VPS41: variants seen among roughly 807,000 people sequenced by gnomAD.
The protein encoded by VPS41 is vacuolar protein sorting-associated protein 41 homolog.
Under a neutral mutation model 130.9 loss-of-function variants are expected in VPS41, and 85 were observed. That is an observed-to-expected ratio of 0.65 (90% CI 0.55 to 0.78). VPS41 has a LOEUF of 0.78. Among genes scored for constraint, VPS41 ranks in the 30% least tolerant of loss-of-function variants. VPS41 has a pLI of 0.00. For synonymous variants in VPS41, 335 were observed against 332.9 expected (o/e 1.01, Z -0.07); for missense variants, 874 against 1,018.7 (o/e 0.86, Z 1.93).
At chr7:38,878,366 A>G (rs773204730) in intron 2 of VPS41, among the ~76,000 whole-genome samples, 1 of 152,200 alleles carries the variant, frequency 6.6e-6, no homozygotes, top group Admixed American at 6.5e-5. Context: ...GGCAAGTTCT[A>G]TTAAAAACCT....
intron 2 of VPS41, among the ~76,000 whole-genome samples, chr7:38,893,749 T>C (rs1031885235): frequency 2.9e-4 from 44 of 152,240 alleles, no homozygotes; most frequent in Admixed American, 2.2e-3. Flanking sequence ...TTTGCATTTC[T>C]ACTTTAACTG....
intron 24 of VPS41, among the ~76,000 whole-genome samples, chr7:38,742,601 TATG>T (rs1795902482): frequency 6.6e-6 from 1 of 152,160 alleles, no homozygotes; most frequent in African/African-American, 2.4e-5. Context: ...GCCTCAAGTT[TATG>T]ATATGTTCTG....
At chr7:38,876,655 A>C (rs1179385990) in intron 2 of VPS41, among the ~76,000 whole-genome samples, 3 of 151,330 alleles carry the variant, frequency 2.0e-5, no homozygotes, top group Non-Finnish European at 3.0e-5. Flanking sequence ...TAAGATTTTT[A>C]TCTCTCAAAG....
intron 3 of VPS41, among the ~76,000 whole-genome samples, chr7:38,866,641 G>C (rs757791203): frequency 1.3e-5 from 2 of 152,202 alleles, no homozygotes; most frequent in African/African-American, 4.8e-5. Context: ...AGGCAACTAA[G>C]TAAATATGCA....
intron 10 of VPS41, among the ~76,000 whole-genome samples, chr7:38,786,691 A>G (rs1784444549): frequency 6.6e-6 from 1 of 152,248 alleles, no homozygotes; most frequent in Non-Finnish European, 1.5e-5. Context: ...ACAGAAATTT[A>G]TACTGAACTA....
chr7:38,899,068 T>C (rs1368331166), intron 1 of VPS41, among the ~76,000 whole-genome samples: 1 of 152,234 alleles, frequency 6.6e-6, no homozygotes, highest in Admixed American at 6.5e-5. Flanking sequence ...GACAGCGGGA[T>C]AAATGTAAAT....
At chr7:38,904,830 A>G (rs1787223582) in intron 1 of VPS41, among the ~76,000 whole-genome samples, 1 of 152,334 alleles carries the variant, frequency 6.6e-6, no homozygotes, top group Non-Finnish European at 1.5e-5. Flanking sequence ...GCAGAAGGAG[A>G]ATTCAAAGTA....
chr7:38,765,258 G>T (rs1156230826), intron 16 of VPS41, among the ~76,000 whole-genome samples: 2 of 151,990 alleles, frequency 1.3e-5, no homozygotes, highest in Non-Finnish European at 2.9e-5. Context: ...TCTAAAAAAA[G>T]TCTTATGCTT....
chr7:38,743,449 T>C lies in VPS41; in HGVS notation c.2075A>G (p.Asp692Gly). Residue 692 changes from aspartate (D) to glycine (G), a missense_variant, in exon 24 of 29, where the codon GAT becomes GGT. Transcript: ENST00000310301. ...KAIEFAKEQD[D>G]GELWEDLILY... Reference sequence around the variant, plus strand: ...AATCAAATCTTCCCACAGCTCTCCATCATCTTGCTCCTTGGCAAATTCGAT... The same window carrying C: ...AATCAAATCTTCCCACAGCTCTCCACCATCTTGCTCCTTGGCAAATTCGAT... 1 of 1,614,030 alleles carries C rather than the reference T, an allele frequency of 6.2e-7. No homozygotes were observed. The highest frequency in any genetic ancestry group is 8.5e-7 in the Non-Finnish European group (1 of 1,179,898).
chr7:38,826,030 G>A (rs1467062158), intron 5 of VPS41, among the ~76,000 whole-genome samples: 1 of 152,184 alleles, frequency 6.6e-6, no homozygotes. Flanking sequence ...CATGTGAACT[G>A]TCATTATACC....
At chr7:38,890,712 G>A (rs961560640) in intron 2 of VPS41, among the ~76,000 whole-genome samples, 1 of 151,750 alleles carries the variant, frequency 6.6e-6, no homozygotes, top group African/African-American at 2.4e-5. Flanking sequence ...TAGAGATAGG[G>A]TCTTGCTCTG....
chr7:38,839,087 T>C (rs1048047833), intron 4 of VPS41, among the ~76,000 whole-genome samples: 1 of 152,232 alleles, frequency 6.6e-6, no homozygotes, highest in Non-Finnish European at 1.5e-5. Flanking sequence ...TCATTTTTGT[T>C]CTCTCAGAGA....
At chr7:38,882,676 C>T (rs904929509) in intron 2 of VPS41, among the ~76,000 whole-genome samples, 1 of 152,210 alleles carries the variant, frequency 6.6e-6, no homozygotes, top group Non-Finnish European at 1.5e-5. Flanking sequence ...TCCTCCCCTA[C>T]CTTAGTTACA....
intron 10 of VPS41, among the ~76,000 whole-genome samples, chr7:38,784,440 G>C (rs572810902): frequency 6.6e-6 from 1 of 152,140 alleles, no homozygotes; most frequent in South Asian, 2.1e-4. Flanking sequence ...TTTGATACCA[G>C]CATGGGCAAC....
intron 18 of VPS41, among the ~76,000 whole-genome samples, chr7:38,757,470 C>G (rs1783821520): frequency 2.0e-5 from 3 of 152,162 alleles, no homozygotes; most frequent in Non-Finnish European, 1.5e-5. Context: ...TAAGTCAGCT[C>G]TTGAGAGCTC....
chr7:38,784,289 T>A (rs1784400082), intron 10 of VPS41, among the ~76,000 whole-genome samples: 1 of 152,122 alleles, frequency 6.6e-6, no homozygotes, highest in Non-Finnish European at 1.5e-5. Flanking sequence ...AAGTGGAAGA[T>A]AAGAGAAGTA....
intron 4 of VPS41, among the ~76,000 whole-genome samples, chr7:38,836,179 G>C (rs940000919): frequency 1.3e-5 from 2 of 151,366 alleles, no homozygotes; most frequent in South Asian, 4.2e-4. Context: ...TTTATTATTT[G>C]CTATATTACT....
chr7:38,743,292 A>G, intron 24 of VPS41, 110 bp downstream of exon 24: 1 of 1,220,466 alleles, frequency 8.2e-7, no homozygotes, highest in Non-Finnish European at 1.2e-6. Flanking sequence ...TATTGTAGGT[A>G]CGCTACCATT....
intron 17 of VPS41, among the ~76,000 whole-genome samples, chr7:38,759,921 A>G (rs1783878202): frequency 6.6e-6 from 1 of 152,172 alleles, no homozygotes; most frequent in Admixed American, 6.5e-5. Flanking sequence ...GAAACTGTCC[A>G]GCATTCTATA....
Sources: allele counts gnomAD v4.1 joint callset (sites outside exome capture counted in the v4.1 genomes callset), GRCh38; gene constraint gnomAD v4.1.1; transcripts MANE v1.5; gene names NCBI Gene and HGNC (gene_info 2026-07-23, HGNC 2026-07-21).